Variants in VWA3B observed in about 807,000 individuals in gnomAD.
VWA3B encodes von Willebrand factor A domain containing 3B, also known as von Willebrand factor A domain-containing protein 3B.
Under a neutral mutation model 158.3 loss-of-function variants are expected in VWA3B, and 138 were observed. The observed-to-expected ratio is 0.87, with a 90% confidence interval of 0.76 to 1.00. The LOEUF (loss-of-function observed/expected upper bound fraction) is 1.00. Ranked by LOEUF, VWA3B falls within the 50% of genes least tolerant of loss-of-function variation. VWA3B has a pLI of 0.00. For missense variants in VWA3B, 1,555 were observed against 1,565.1 expected (o/e 0.99, Z 0.11); for synonymous variants, 596 against 587.3 (o/e 1.01, Z -0.21).
At chr2:98,238,179 C>T (rs1368257052) in intron 19 of VWA3B, among the ~76,000 whole-genome samples, 2 of 152,156 alleles carry the variant, frequency 1.3e-5, no homozygotes, top group Non-Finnish European at 2.9e-5. Flanking sequence ...CACCTGCCTG[C>T]TGGTTTGGGA....
intron 19 of VWA3B, among the ~76,000 whole-genome samples, chr2:98,237,527 G>A (rs1685784160): frequency 6.6e-6 from 1 of 152,118 alleles, no homozygotes; most frequent in African/African-American, 2.4e-5. Flanking sequence ...CCAATGGGAG[G>A]GCGTGGTAGG....
intron 13 of VWA3B, chr2:98,216,952 G>A (rs779405602): frequency 2.9e-5 from 38 of 1,296,704 alleles, no homozygotes; most frequent in African/African-American, 4.7e-5. Context: ...AGCATGAGTG[G>A]GAGAGACTGT....
intron 8 of VWA3B, among the ~76,000 whole-genome samples, chr2:98,172,300 G>T (rs1017163529): frequency 1.3e-5 from 2 of 152,168 alleles, no homozygotes; most frequent in African/African-American, 4.8e-5. Flanking sequence ...TGGCAGCCTG[G>T]GCTCTCCTCT....
At chr2:98,170,464 G>C (rs1679489734) in intron 8 of VWA3B, among the ~76,000 whole-genome samples, 2 of 152,190 alleles carry the variant, frequency 1.3e-5, no homozygotes, top group Non-Finnish European at 2.9e-5. Flanking sequence ...ACCTACAGTA[G>C]GTCTACAGGA....
At chr2:98,322,728 G>A in the VWA3B span, among the ~76,000 whole-genome samples, 2 of 152,160 alleles carry the variant, frequency 1.3e-5, no homozygotes, top group Non-Finnish European at 2.9e-5. Flanking sequence ...AAAACAGATG[G>A]AAATTTAAGC....
intron 22 of VWA3B, among the ~76,000 whole-genome samples, chr2:98,277,926 A>G (rs1015208190): frequency 6.6e-6 from 1 of 152,210 alleles, no homozygotes; most frequent in Admixed American, 6.5e-5. Context: ...TGTCCCAGAT[A>G]GTAAATGAAC....
intron 8 of VWA3B, among the ~76,000 whole-genome samples, chr2:98,174,858 TAC>T (rs960535199): frequency 5.3e-5 from 8 of 152,202 alleles, no homozygotes; most frequent in African/African-American, 1.9e-4. Context: ...TGTGGCCTGA[TAC>T]ACACACAGCT....
intron 22 of VWA3B, among the ~76,000 whole-genome samples, chr2:98,277,435 A>T (rs188252657): frequency 4.6e-5 from 7 of 152,340 alleles, no homozygotes; most frequent in Admixed American, 2.6e-4. Context: ...CATTTTCTGA[A>T]TAAATAAAGA....
At chr2:98,147,690 AT>A (rs984728277) in intron 7 of VWA3B, among the ~76,000 whole-genome samples, 51 of 150,992 alleles carry the variant, frequency 3.4e-4, no homozygotes, top group African/African-American at 1.1e-3. Flanking sequence ...TTTGGGGTGT[AT>A]TTTTTTTCTT....
chr2:98,152,018 T>A (rs918299113), intron 7 of VWA3B, among the ~76,000 whole-genome samples: 3 of 152,228 alleles, frequency 2.0e-5, no homozygotes, highest in Non-Finnish European at 4.4e-5. Context: ...GATGGATGAA[T>A]TGTAATTTGG....
intron 26 of VWA3B, 102 bp from the exon 27 acceptor site, chr2:98,311,717 C>A: frequency 7.5e-7 from 1 of 1,336,824 alleles, no homozygotes; most frequent in Non-Finnish European, 1.0e-6. Flanking sequence ...GGAAGAGGGA[C>A]GTGGGCAAGG....
At chr2:98,139,318 C>T (rs890842007) in intron 7 of VWA3B, among the ~76,000 whole-genome samples, 9 of 152,238 alleles carry the variant, frequency 5.9e-5, no homozygotes, top group Middle Eastern at 3.2e-3. Flanking sequence ...GCCCAAGCCT[C>T]CCCGACGAGC....
intron 10 of VWA3B, among the ~76,000 whole-genome samples, chr2:98,191,135 C>T (rs1057089559): frequency 3.3e-5 from 5 of 152,140 alleles, no homozygotes; most frequent in African/African-American, 1.2e-4. Context: ...ACTATTAATA[C>T]CATGCAGTGT....
At chr2:98,264,964 A>G (rs1362147803) in intron 21 of VWA3B, among the ~76,000 whole-genome samples, 3 of 151,790 alleles carry the variant, frequency 2.0e-5, no homozygotes, top group Admixed American at 6.6e-5. Context: ...AAGTCTTTCA[A>G]TCCATGAACA....
chr2:98,165,155 C>T (rs572791989), intron 8 of VWA3B, among the ~76,000 whole-genome samples: 2 of 152,330 alleles, frequency 1.3e-5, no homozygotes, highest in South Asian at 2.1e-4. Flanking sequence ...TCCTTTGGGG[C>T]ACACCTGGTG....
In VWA3B at chr2:98,239,688, C is replaced by T. The variant is rs567004709; in HGVS notation, c.2673+2958C>T. Among the ~76,000 whole-genome samples, 7 of 151,836 alleles carry T rather than the reference C, an allele frequency of 4.6e-5. No homozygotes were observed. The East Asian group carries it at 7.7e-4, about 17-fold the overall frequency. Reference sequence around the variant, plus strand: ...CCAGCACTTCAGGAGGCCGAGGCAGCGGATCATTAGGTCAGGAGATCGAGA... The same window carrying T: ...CCAGCACTTCAGGAGGCCGAGGCAGTGGATCATTAGGTCAGGAGATCGAGA... On this transcript the variant is annotated intron_variant, in intron 19 of 27. Transcript: ENST00000477737.
At chr2:98,151,536 T>C (rs2105171112) in intron 7 of VWA3B, among the ~76,000 whole-genome samples, 1 of 152,292 alleles carries the variant, frequency 6.6e-6, no homozygotes, top group Middle Eastern at 3.4e-3. Context: ...CCTACAGCAA[T>C]GGGTGGGGAG....
Position 98,290,626 on chromosome 2 carries a change from G to GTTTT in VWA3B, c.3157+14_3157+17dup. On this transcript the variant is annotated splice_donor_region_variant and intron_variant, in intron 23 of 27. Transcript: ENST00000477737. ...GAAAATGGCTTTTATTTTCCAGGTA[G>GTTTT]TTTTTTTTTTTTTAATTTCGTGAGG... 5.2e-6 allele frequency: 7 copies of GTTTT among 1,339,022 alleles called. No individual in the cohort carries two copies. The highest frequency in any genetic ancestry group is 2.1e-5 in the Admixed American group (1 of 48,292). The allele number at this position is 1,339,022 out of a possible 1,614,324, so 82.9% of individuals were successfully genotyped here. A position where few individuals can be genotyped will look rare whatever the true frequency, so the allele number is the denominator to read the frequency against.
intron 2 of VWA3B, among the ~76,000 whole-genome samples, chr2:98,111,206 G>A (rs998475264): frequency 3.3e-5 from 5 of 152,138 alleles, no homozygotes; most frequent in African/African-American, 1.2e-4. Context: ...TTTTCACTTT[G>A]TTTCTGAGTT....
Sources: allele counts gnomAD v4.1 joint callset (sites outside exome capture counted in the v4.1 genomes callset), GRCh38; gene constraint gnomAD v4.1.1; transcripts MANE v1.5; gene names NCBI Gene and HGNC (gene_info 2026-07-23, HGNC 2026-07-21).